UNC5D: variants seen among roughly 807,000 people sequenced by gnomAD.
UNC5D encodes the protein unc-5 netrin receptor D.
In UNC5D, 39 loss-of-function variants were observed where a neutral mutation model predicts 105.4. That is an observed-to-expected ratio of 0.37 (90% CI 0.29 to 0.48). The LOEUF is 0.48. Among genes scored for constraint, UNC5D ranks in the 20% least tolerant of loss-of-function variants. UNC5D has a pLI of 0.98. For missense variants in UNC5D, 991 were observed against 1,202.4 expected (o/e 0.82, Z 2.60); for synonymous variants, 452 against 450.4 (o/e 1.00, Z -0.04).
At chr8:35,743,672 T>A (rs775538218) in intron 11 of UNC5D, among the ~76,000 whole-genome samples, 2 of 152,132 alleles carry the variant, frequency 1.3e-5, no homozygotes, top group Non-Finnish European at 2.9e-5. Flanking sequence ...TTCCTGTGTG[T>A]CCTACACTCA....
chr8:35,351,910 A>G (rs1055542984), intron 1 of UNC5D, among the ~76,000 whole-genome samples: 1 of 152,150 alleles, frequency 6.6e-6, no homozygotes, highest in Non-Finnish European at 1.5e-5. Flanking sequence ...AGAAACATGC[A>G]TACATTGGTT....
At chr8:35,356,873 TGGACAAA>T in intron 1 of UNC5D, among the ~76,000 whole-genome samples, 1 of 152,258 alleles carries the variant, frequency 6.6e-6, no homozygotes, top group South Asian at 2.1e-4. Flanking sequence ...ATAGATCCAC[TGGACAAA>T]GAGATGATTA....
At chr8:35,613,439 T>G (rs889143871) in intron 4 of UNC5D, among the ~76,000 whole-genome samples, 1 of 152,204 alleles carries the variant, frequency 6.6e-6, no homozygotes, top group Non-Finnish European at 1.5e-5. Context: ...GTTTCAACAT[T>G]ATTTCTGGCC....
intron 8 of UNC5D, among the ~76,000 whole-genome samples, chr8:35,707,660 G>T (rs1233282393): frequency 6.6e-6 from 1 of 152,126 alleles, no homozygotes; most frequent in Non-Finnish European, 1.5e-5. Context: ...TATCCATGGG[G>T]TGGCCAATGT....
chr8:35,613,102 G>A (rs112482936), intron 4 of UNC5D, among the ~76,000 whole-genome samples: 247 of 152,222 alleles, frequency 1.6e-3, no homozygotes, highest in Non-Finnish European at 2.7e-3. Context: ...GCTTAAGACA[G>A]AATCTCACTC....
intron 7 of UNC5D, among the ~76,000 whole-genome samples, chr8:35,699,555 A>G (rs1827033959): frequency 6.6e-6 from 1 of 152,142 alleles, no homozygotes; most frequent in African/African-American, 2.4e-5. Flanking sequence ...TAATCCTCAG[A>G]TTTCTCTGGG....
chr8:35,291,758 A>G (rs1483208093), intron 1 of UNC5D, among the ~76,000 whole-genome samples: 1 of 152,084 alleles, frequency 6.6e-6, no homozygotes, highest in Non-Finnish European at 1.5e-5. Flanking sequence ...TCTCTTTTGT[A>G]GTTGAATTTC....
intron 4 of UNC5D, among the ~76,000 whole-genome samples, chr8:35,644,897 C>T (rs776454324): frequency 4.6e-5 from 7 of 152,010 alleles, no homozygotes; most frequent in East Asian, 3.9e-4. Context: ...TTGGAGCACT[C>T]GGACAATGGT....
chr8:35,774,343 T>C lies in UNC5D; in HGVS notation c.2523T>C (p.Thr841=). ...TITFFAQEDS[T]FPAQTGPKAF... ...CTTTCTTCGCACAAGAGGACAGCAC[T>C]TTCCCTGCACAGACTGGCCCCAAAG... Residue 841 remains threonine (T), a synonymous_variant, in exon 16 of 17, where the codon ACT becomes ACC. Coordinates refer to ENST00000404895, the MANE Select transcript of UNC5D (RefSeq NM_080872.4). The C allele has an allele frequency of 6.2e-7, 1 of 1,614,080 alleles. No homozygotes were observed. The highest frequency in any genetic ancestry group is 8.5e-7 in the Non-Finnish European group (1 of 1,179,978).
At chr8:35,300,531 A>T (rs899027784) in intron 1 of UNC5D, among the ~76,000 whole-genome samples, 1 of 151,418 alleles carries the variant, frequency 6.6e-6, no homozygotes, top group East Asian at 1.9e-4. Flanking sequence ...AATAAATAAA[A>T]TTAACCAAGA....
chr8:35,335,995 C>A (rs921136316), intron 1 of UNC5D, among the ~76,000 whole-genome samples: 3 of 151,868 alleles, frequency 2.0e-5, no homozygotes, highest in African/African-American at 7.2e-5. Context: ...GATCTCCTGA[C>A]CTCGTGATCC....
intron 4 of UNC5D, among the ~76,000 whole-genome samples, chr8:35,683,134 A>G (rs1825779362): frequency 6.6e-6 from 1 of 152,198 alleles, no homozygotes; most frequent in Admixed American, 6.5e-5. Context: ...ATAATATAAT[A>G]TCCTCTCACA....
intron 16 of UNC5D, among the ~76,000 whole-genome samples, chr8:35,775,110 C>T (rs550536891): frequency 1.2e-4 from 19 of 152,246 alleles, no homozygotes; most frequent in Non-Finnish European, 2.1e-4. Context: ...CTTTCTTAAG[C>T]CAGTGATGCA....
intron 8 of UNC5D, among the ~76,000 whole-genome samples, chr8:35,711,141 T>G (rs1219129219): frequency 1.3e-5 from 2 of 150,810 alleles, no homozygotes; most frequent in Non-Finnish European, 3.0e-5. Flanking sequence ...GCACTTAACA[T>G]GTATATGATC....
intron 1 of UNC5D, among the ~76,000 whole-genome samples, chr8:35,504,538 A>G (rs75957592): frequency 0.041 from 6,213 of 152,226 alleles, 453 homozygotes; most frequent in African/African-American, 0.14. Flanking sequence ...GAGCAAAGGA[A>G]GAGAAGATAA....
chr8:35,711,287 C>T (rs1428241829), intron 8 of UNC5D, among the ~76,000 whole-genome samples: 1 of 152,104 alleles, frequency 6.6e-6, no homozygotes, highest in African/African-American at 2.4e-5. Context: ...TCAAGCGATT[C>T]TCCTGCCTCA....
intron 1 of UNC5D, among the ~76,000 whole-genome samples, chr8:35,529,833 T>C (rs1180217812): frequency 2.0e-5 from 3 of 147,582 alleles, no homozygotes; most frequent in Non-Finnish European, 4.5e-5. Flanking sequence ...AGTTCACTCA[T>C]GATTTGGCTG....
At chr8:35,503,108 G>A (rs773038434) in intron 1 of UNC5D, among the ~76,000 whole-genome samples, 7 of 152,130 alleles carry the variant, frequency 4.6e-5, no homozygotes, top group Non-Finnish European at 7.3e-5. Flanking sequence ...GTGACTTGTA[G>A]CCTTGCCTAA....
chr8:35,601,197 C>T (rs1406771518), intron 4 of UNC5D, among the ~76,000 whole-genome samples: 5 of 152,128 alleles, frequency 3.3e-5, no homozygotes, highest in Admixed American at 6.6e-5. Context: ...GTTTTGGTTA[C>T]TGTAGCCTTG....
Sources: allele counts gnomAD v4.1 joint callset (sites outside exome capture counted in the v4.1 genomes callset), GRCh38; gene constraint gnomAD v4.1.1; transcripts MANE v1.5; gene names NCBI Gene and HGNC (gene_info 2026-07-23, HGNC 2026-07-21).